Variants in ASZ1 observed in about 807,000 individuals in gnomAD.
ASZ1 encodes ankyrin repeat, SAM and basic leucine zipper domain-containing protein 1.
Under a neutral mutation model 61.8 loss-of-function variants are expected in ASZ1, and 67 were observed. That is an observed-to-expected ratio of 1.08 (90% CI 0.89 to 1.33). The LOEUF (loss-of-function observed/expected upper bound fraction) is 1.33. Ranked by LOEUF, ASZ1 falls within the 40% of genes most tolerant of loss-of-function variation. The probability of loss-of-function intolerance (pLI) is 0.00; values close to 1 mark genes in which losing one functional copy is unlikely to be tolerated. For missense variants in ASZ1, 577 were observed against 554.5 expected, an observed-to-expected ratio of 1.04 and a Z score of -0.41; for synonymous variants, 193 against 192.7, an observed-to-expected ratio of 1.00 and a Z score of -0.01.
At chr7:117,398,927 T>C (rs1379138175) in intron 4 of ASZ1, among the ~76,000 whole-genome samples, 1 of 152,196 alleles carries the variant, frequency 6.6e-6, no homozygotes, top group South Asian at 2.1e-4. Context: ...CTCCTACTTA[T>C]CCTTCAAAAC....
intron 4 of ASZ1, among the ~76,000 whole-genome samples, chr7:117,405,175 G>A (rs1210825027): frequency 6.6e-6 from 1 of 152,092 alleles, no homozygotes; most frequent in Non-Finnish European, 1.5e-5. Context: ...GGGGTCCCAG[G>A]ACTTAGTGTC....
intron 4 of ASZ1, among the ~76,000 whole-genome samples, chr7:117,402,773 A>G (rs1376262951): frequency 2.0e-5 from 3 of 152,152 alleles, no homozygotes; most frequent in Admixed American, 6.5e-5. Context: ...CGCCTTATCT[A>G]TAATGGCAGA....
chr7:117,380,358 T>G (rs1796227216), intron 9 of ASZ1, among the ~76,000 whole-genome samples: 1 of 151,772 alleles, frequency 6.6e-6, no homozygotes, highest in Non-Finnish European at 1.5e-5. Flanking sequence ...AAAACAAAAT[T>G]TCCTTCAAAT....
chr7:117,422,152 A>C (rs1262172436), intron 3 of ASZ1, 85 bp downstream of exon 3: 33 of 1,440,920 alleles, frequency 2.3e-5, no homozygotes, highest in Middle Eastern at 1.8e-4. Flanking sequence ...AAATGGCTTT[A>C]GTTTTTTGCA....
In ASZ1 at chr7:117,422,315, T is replaced by TA; in HGVS notation, c.249dup (p.Met84TyrfsTer5). The TA allele has an allele frequency of 6.2e-7, 1 of 1,613,798 alleles. No individual in the cohort carries two copies. Among genetic ancestry groups the TA allele is most frequent in the South Asian group, 1.1e-5 (1 of 91,056 alleles). ...GCATTGGCAACACTAGCAGCATACATAAGGGGAGTCCATCCATACTGAAAG... is the reference window on the plus strand; with the variant it reads ...GCATTGGCAACACTAGCAGCATACATAAAGGGGAGTCCATCCATACTGAAAG... On this transcript the variant is annotated frameshift_variant, in exon 3 of 13. Coordinates refer to ENST00000284629, the MANE Select transcript of ASZ1 (RefSeq NM_130768.3). LOFTEE classifies it high-confidence loss of function.
chr7:117,416,711 C>T (rs1423089538), intron 4 of ASZ1, among the ~76,000 whole-genome samples: 2 of 152,098 alleles, frequency 1.3e-5, no homozygotes, highest in Admixed American at 1.3e-4. Flanking sequence ...ATGCATTTAT[C>T]AAAACTGATC....
chr7:117,363,611 A>T lies in ASZ1; in HGVS notation c.1413T>A (p.Thr471=). The stretch of plus-strand genomic sequence containing the variant: ...AATATTTGGATTATTTCCTCTGGAA[A>T]GTTAGCTTGCAAATGAAAAGAAGAA... The part of the protein sequence containing the change: ...FGFLLFICKL[T]FQRK Residue 471 remains threonine (T), a synonymous_variant, in exon 13 of 13, where the codon ACT becomes ACA. Coordinates refer to ENST00000284629, the MANE Select transcript of ASZ1 (RefSeq NM_130768.3). 1 of 1,597,990 alleles carries T rather than the reference A, an allele frequency of 6.3e-7. No homozygotes were observed. The highest frequency in any genetic ancestry group is 8.5e-7 in the Non-Finnish European group (1 of 1,174,010).
In ASZ1 at chr7:117,406,399, G is replaced by A. The variant is rs543677101; in HGVS notation, c.440+13764C>T. 2.0e-5 allele frequency among the ~76,000 whole-genome samples: 3 copies of A among 152,214 alleles called. No homozygotes were observed. In the South Asian group the frequency reaches 6.2e-4, roughly 32 times the overall value. On this transcript the variant is annotated intron_variant, in intron 4 of 12. Transcript: ENST00000284629. ...AAGAGAGCCATAAAGATGAGTATGT[G>A]GGTAAATCCAAATAAAAGTTGGTAA...
intron 4 of ASZ1, 54 bp from the exon 5 acceptor site, chr7:117,385,863 A>C: frequency 2.5e-5 from 34 of 1,361,338 alleles, no homozygotes; most frequent in Non-Finnish European, 3.2e-5. Flanking sequence ...TTAATCTCTC[A>C]TTTTCATTAA....
intron 9 of ASZ1, 30 bp downstream of exon 9, chr7:117,380,981 G>T (rs1243195630): frequency 1.3e-6 from 2 of 1,522,564 alleles, no homozygotes; most frequent in Non-Finnish European, 1.8e-6. Flanking sequence ...ATCAAACAAT[G>T]TATCGGGAAT....
chr7:117,380,115 T>C, intron 9 of ASZ1, 68 bp from the exon 10 acceptor site: 2 of 1,010,088 alleles, frequency 2.0e-6, no homozygotes, highest in South Asian at 3.0e-5. Flanking sequence ...TCAAAATTGC[T>C]AAAGATGTTT....
intron 4 of ASZ1, among the ~76,000 whole-genome samples, chr7:117,411,708 A>C (rs1262053145): frequency 6.6e-6 from 1 of 151,748 alleles, no homozygotes; most frequent in East Asian, 1.9e-4. Flanking sequence ...GTGGCTAGGC[A>C]CTGTTCTAAA....
intron 4 of ASZ1, among the ~76,000 whole-genome samples, chr7:117,393,850 TC>T (rs1796524681): frequency 6.6e-6 from 1 of 152,156 alleles, no homozygotes; most frequent in Admixed American, 6.5e-5. Flanking sequence ...TCTCTTAGTT[TC>T]ACTCCCACCC....
intron 2 of ASZ1, among the ~76,000 whole-genome samples, chr7:117,424,764 C>T (rs990559839): frequency 2.6e-4 from 39 of 152,152 alleles, no homozygotes; most frequent in South Asian, 4.1e-4. Context: ...ATTAGGTATT[C>T]GGGCCTCTTT....
chr7:117,427,134 G>A (rs1276018847), intron 1 of ASZ1, among the ~76,000 whole-genome samples, 199 bp from the exon 2 acceptor site: 1 of 152,104 alleles, frequency 6.6e-6, no homozygotes, highest in Non-Finnish European at 1.5e-5. Context: ...CCCAACTGAG[G>A]AGTTACGATG....
At position 117,385,760 on chromosome 7, in the gene ASZ1, C is replaced by T. The variant is rs754630010; in HGVS notation, c.490G>A (p.Val164Ile). ...CCATGAGCAACAAGGAGAGCAACAA[C>T]CTGGGTGTGACCATCTCGAGCAGCA... is the stretch of plus-strand genomic sequence containing the variant. ...MYAARDGHTQ[V>I]VALLVAHGAE... Residue 164 changes from valine (V) to isoleucine (I), a missense_variant, in exon 5 of 13, where the codon GTT becomes ATT. Val to Ile is a conservative substitution (Grantham distance 29). Transcript: ENST00000284629. The T allele has an allele frequency of 2.5e-6, 4 of 1,613,558 alleles. No homozygotes were observed. The highest frequency in any genetic ancestry group is 2.2e-5 in the East Asian group (1 of 44,862).
At position 117,363,525 on chromosome 7, in the gene ASZ1, A is replaced by T; in HGVS notation, c.*71T>A. Reference sequence around the variant, plus strand: ...GAATGTAAAGTTATATTGTGCTGCAAACAGTTAAAAGCAATGATTTTTGGA... The same window carrying T: ...GAATGTAAAGTTATATTGTGCTGCATACAGTTAAAAGCAATGATTTTTGGA... On this transcript the variant is annotated 3_prime_UTR_variant, in exon 13 of 13. Transcript: ENST00000284629. 10 of 1,263,178 alleles carry T rather than the reference A, an allele frequency of 7.9e-6. No homozygotes were observed. The highest frequency in any genetic ancestry group is 1.0e-5 in the Non-Finnish European group (10 of 956,092). 78.2% of individuals were successfully genotyped at this position (1,263,178 alleles called of 1,614,324 possible).
At chr7:117,417,844 G>T (rs1356013061) in intron 4 of ASZ1, among the ~76,000 whole-genome samples, 2 of 152,170 alleles carry the variant, frequency 1.3e-5, no homozygotes, top group Admixed American at 1.3e-4. Context: ...ATTTTAGAGA[G>T]TTGATCATAT....
chr7:117,397,139 G>A (rs1796591140), intron 4 of ASZ1, among the ~76,000 whole-genome samples: 1 of 152,118 alleles, frequency 6.6e-6, no homozygotes, highest in African/African-American at 2.4e-5. Flanking sequence ...TTCTTGGGAT[G>A]CTGAGGCAGG....
Sources: allele counts gnomAD v4.1 joint callset (sites outside exome capture counted in the v4.1 genomes callset), GRCh38; gene constraint gnomAD v4.1.1; transcripts MANE v1.5; gene names NCBI Gene and HGNC (gene_info 2026-07-23, HGNC 2026-07-21).